The following RBPMS variants were observed in gnomAD, a reference collection of about 807,000 sequenced individuals.
RBPMS encodes RNA-binding protein with multiple splicing.
In RBPMS, 7 loss-of-function variants were observed where a neutral mutation model predicts 26.8. The ratio of observed to expected loss-of-function variants is 0.26; its 90% CI spans 0.15 to 0.49. RBPMS has a LOEUF of 0.49. Among genes scored for constraint, RBPMS ranks in the 20% least tolerant of loss-of-function variants. The pLI is 0.98. For synonymous variants in RBPMS, 96 were observed against 93.3 expected, an observed-to-expected ratio of 1.03 and a Z score of -0.17; for missense variants, 186 against 250.0, an observed-to-expected ratio of 0.74 and a Z score of 1.73.
At chr8:30,511,481 AAAAAAATATAT>A (rs1441850376) in intron 5 of RBPMS, among the ~76,000 whole-genome samples, 8 of 73,182 alleles carry the variant, frequency 1.1e-4, no homozygotes, top group African/African-American at 5.5e-4. Context: ...GAAAAAAAAA[AAAAAAATATAT>A]ATATATATAT....
At chr8:30,483,190 G>A (rs529419499) in intron 4 of RBPMS, among the ~76,000 whole-genome samples, 2 of 152,244 alleles carry the variant, frequency 1.3e-5, no homozygotes, top group African/African-American at 4.8e-5. Context: ...GTAATGACCT[G>A]TTATGGCATT....
At chr8:30,545,034 G>T in intron 6 of RBPMS, 1 of 1,417,748 alleles carries the variant, frequency 7.1e-7, no homozygotes, top group South Asian at 1.4e-5. Flanking sequence ...GTTTCTGTGT[G>T]TTGAGAGTTT....
intron 1 of RBPMS, among the ~76,000 whole-genome samples, chr8:30,387,696 A>G (rs1255440593): frequency 1.3e-5 from 2 of 152,228 alleles, no homozygotes; most frequent in Non-Finnish European, 2.9e-5. Flanking sequence ...AAGGGAAAAT[A>G]GTTTATTTCA....
chr8:30,425,639 A>G (rs1028944404), intron 1 of RBPMS, among the ~76,000 whole-genome samples: 12 of 151,950 alleles, frequency 7.9e-5, no homozygotes, highest in African/African-American at 7.3e-5. Context: ...ACCTCAGGCA[A>G]TCTGCCCACC....
chr8:30,417,957 A>G (rs1175894727), intron 1 of RBPMS, among the ~76,000 whole-genome samples: 1 of 152,234 alleles, frequency 6.6e-6, no homozygotes, highest in Non-Finnish European at 1.5e-5. Flanking sequence ...GGTATAGTTG[A>G]TATGTGTTAC....
chr8:30,470,832 C>T (rs1249901024), intron 1 of RBPMS, among the ~76,000 whole-genome samples: 1 of 152,156 alleles, frequency 6.6e-6, no homozygotes, highest in Non-Finnish European at 1.5e-5. Flanking sequence ...AAACTTAGGC[C>T]TGACGGGAGC....
chr8:30,435,331 A>G, intron 1 of RBPMS, among the ~76,000 whole-genome samples: 1 of 152,182 alleles, frequency 6.6e-6, no homozygotes, highest in East Asian at 1.9e-4. Flanking sequence ...ATCTTCCAAA[A>G]TCTGAAATTG....
At chr8:30,521,209 T>C (rs1381676117) in intron 5 of RBPMS, among the ~76,000 whole-genome samples, 2 of 152,248 alleles carry the variant, frequency 1.3e-5, no homozygotes, top group Non-Finnish European at 2.9e-5. Flanking sequence ...TTTTAACACC[T>C]GACCTTGGTC....
At chr8:30,479,892 G>A (rs568340034) in intron 4 of RBPMS, among the ~76,000 whole-genome samples, 28 of 151,924 alleles carry the variant, frequency 1.8e-4, no homozygotes, top group Non-Finnish European at 3.8e-4. Flanking sequence ...GACGTGTGTT[G>A]TAATAGAATA....
At chr8:30,465,986 T>G (rs1225569456) in intron 1 of RBPMS, among the ~76,000 whole-genome samples, 1 of 152,182 alleles carries the variant, frequency 6.6e-6, no homozygotes, top group Non-Finnish European at 1.5e-5. Context: ...GGAACATCAT[T>G]GTTCTTCTCT....
At chr8:30,567,106 G>A (rs1190196884) in intron 8 of RBPMS, among the ~76,000 whole-genome samples, 1 of 152,194 alleles carries the variant, frequency 6.6e-6, no homozygotes, top group East Asian at 1.9e-4. Flanking sequence ...GCGAGTCTAT[G>A]GTGGTTTATG....
At chr8:30,517,150 AT>A (rs374390486) in intron 5 of RBPMS, among the ~76,000 whole-genome samples, 3 of 132,270 alleles carry the variant, frequency 2.3e-5, no homozygotes, top group Admixed American at 1.5e-4. Flanking sequence ...TCTAGACCTT[AT>A]TTTTTTTGTT....
At chr8:30,415,180 C>A (rs1247610154) in intron 1 of RBPMS, among the ~76,000 whole-genome samples, 1 of 152,096 alleles carries the variant, frequency 6.6e-6, no homozygotes, top group Admixed American at 6.6e-5. Flanking sequence ...ACCTAGGTGC[C>A]CAGCCCTTCC....
intron 1 of RBPMS, among the ~76,000 whole-genome samples, chr8:30,453,474 T>A (rs1814841391): frequency 6.6e-6 from 1 of 152,202 alleles, no homozygotes; most frequent in Admixed American, 6.5e-5. Flanking sequence ...ACAAAACAGC[T>A]TTTAGCTTCT....
intron 4 of RBPMS, among the ~76,000 whole-genome samples, chr8:30,495,919 C>G (rs1819892457): frequency 6.6e-6 from 1 of 152,202 alleles, no homozygotes; most frequent in Admixed American, 6.5e-5. Context: ...CTCACACACA[C>G]ACGCTCTATT....
chr8:30,570,116 A>C (rs562709250), intron 8 of RBPMS, among the ~76,000 whole-genome samples: 3 of 150,334 alleles, frequency 2.0e-5, no homozygotes, highest in African/African-American at 7.2e-5. Flanking sequence ...TTCAGTGGTC[A>C]CCTAAATATT....
At chr8:30,491,073 C>G (rs550500461) in intron 4 of RBPMS, among the ~76,000 whole-genome samples, 1 of 152,240 alleles carries the variant, frequency 6.6e-6, no homozygotes, top group Non-Finnish European at 1.5e-5. Flanking sequence ...CAAATTTACC[C>G]ACTTTGCTTA....
chr8:30,511,385 G>T (rs919330458), intron 5 of RBPMS, among the ~76,000 whole-genome samples: 3 of 151,008 alleles, frequency 2.0e-5, no homozygotes, highest in African/African-American at 7.3e-5. Context: ...ACTTTGGGAG[G>T]CCGAGGCAGG....
chr8:30,459,027 G>A (rs975552825), intron 1 of RBPMS, among the ~76,000 whole-genome samples: 2 of 148,980 alleles, frequency 1.3e-5, no homozygotes, highest in Non-Finnish European at 3.0e-5. Context: ...GCAGTGGCAC[G>A]ATCTCCGCTC....
Sources: allele counts gnomAD v4.1 joint callset (sites outside exome capture counted in the v4.1 genomes callset), GRCh38; gene constraint gnomAD v4.1.1; transcripts MANE v1.5; gene names NCBI Gene and HGNC (gene_info 2026-07-23, HGNC 2026-07-21).